The following PCMTD1 variants were observed in gnomAD, a reference collection of about 807,000 sequenced individuals.
The protein encoded by PCMTD1 is protein-L-isoaspartate O-methyltransferase domain-containing protein 1.
PCMTD1 carries 12 observed loss-of-function variants against 37.6 expected under a neutral mutation model. That is an observed-to-expected ratio of 0.32 (90% CI 0.20 to 0.52). PCMTD1 has a LOEUF of 0.52. Among genes scored for constraint, PCMTD1 ranks in the 20% least tolerant of loss-of-function variants. The probability of loss-of-function intolerance (pLI) is 0.97; values close to 1 mark genes in which losing one functional copy is unlikely to be tolerated. For missense variants in PCMTD1, 235 were observed against 421.3 expected (o/e 0.56, Z 3.87); for synonymous variants, 117 against 135.8 (o/e 0.86, Z 0.96).
chr8:51,821,927 G>A (rs1390440306), intron 5 of PCMTD1, among the ~76,000 whole-genome samples: 1 of 152,084 alleles, frequency 6.6e-6, no homozygotes, highest in Admixed American at 6.5e-5. Flanking sequence ...AGTACAGATG[G>A]GGTTTCACCA....
intron 3 of PCMTD1, chr8:51,844,904 C>G (rs1194058976): frequency 1.3e-5 from 2 of 152,172 alleles, no homozygotes; most frequent in African/African-American, 4.8e-5. Context: ...AGTGACTGTT[C>G]TAAGCTTGTG....
intron 1 of PCMTD1, among the ~76,000 whole-genome samples, chr8:51,897,666 A>T (rs1383842612): frequency 6.6e-6 from 1 of 152,212 alleles, no homozygotes; most frequent in Non-Finnish European, 1.5e-5. Context: ...AGACATTCTG[A>T]AAGTTTTGCC....
rs145508508 is a variant in PCMTD1 at position 51,845,403 on chromosome 8, T to C, written c.410+258A>G. ...TATTACACTGTATCTCCAGAAAAGA[T>C]AGCTGAATGTTTAATGAATTCAACA... On this transcript the variant is annotated intron_variant, in intron 3 of 5. Transcript: ENST00000522514. 2,564 of 333,306 alleles carry C rather than the reference T, an allele frequency of 7.7e-3. 23 individuals carry two copies. The highest frequency in any genetic ancestry group is 0.023 in the Middle Eastern group (25 of 1,070). The allele number at this position is 333,306 out of a possible 1,614,324, so 20.6% of individuals were successfully genotyped here.
At chr8:51,873,753 G>A (rs141798879) in intron 1 of PCMTD1, among the ~76,000 whole-genome samples, 73 of 152,102 alleles carry the variant, frequency 4.8e-4, no homozygotes, top group African/African-American at 1.4e-3. Flanking sequence ...GCTTCTTCCC[G>A]AGTCACCTTC....
chr8:51,854,984 G>C (rs2038362322), intron 2 of PCMTD1, among the ~76,000 whole-genome samples: 2 of 150,934 alleles, frequency 1.3e-5, no homozygotes, highest in Non-Finnish European at 2.9e-5. Flanking sequence ...AGACGAGCCT[G>C]ACCAACATGG....
intron 2 of PCMTD1, 35 bp downstream of exon 2, chr8:51,860,810 T>C (rs767420514): frequency 6.7e-7 from 1 of 1,501,524 alleles, no homozygotes; most frequent in Non-Finnish European, 8.9e-7. Flanking sequence ...AAATGGCTTA[T>C]TTTTTAAAAT....
chr8:51,823,813 C>T (rs1487667181), intron 5 of PCMTD1, among the ~76,000 whole-genome samples: 1 of 152,202 alleles, frequency 6.6e-6, no homozygotes, highest in African/African-American at 2.4e-5. Context: ...ACTGGCAAAC[C>T]GAATCCAGCA....
At chr8:51,883,541 A>G (rs2038822287) in intron 1 of PCMTD1, among the ~76,000 whole-genome samples, 2 of 152,234 alleles carry the variant, frequency 1.3e-5, no homozygotes, top group Non-Finnish European at 2.9e-5. Flanking sequence ...AATCTCACAA[A>G]AGAGTAAACA....
intron 3 of PCMTD1, among the ~76,000 whole-genome samples, chr8:51,843,143 ATT>A (rs1394679863): frequency 6.8e-6 from 1 of 146,404 alleles, no homozygotes; most frequent in Non-Finnish European, 1.5e-5. Context: ...CATTTTTATA[ATT>A]TGTCATTGAA....
chr8:51,862,711 T>A (rs2038491528), intron 1 of PCMTD1, among the ~76,000 whole-genome samples: 1 of 152,162 alleles, frequency 6.6e-6, no homozygotes, highest in Non-Finnish European at 1.5e-5. Flanking sequence ...CGAGGGCAGC[T>A]CCCCTAACAC....
At chr8:51,880,706 G>A (rs189464887) in intron 1 of PCMTD1, among the ~76,000 whole-genome samples, 1 of 152,176 alleles carries the variant, frequency 6.6e-6, no homozygotes, top group East Asian at 1.9e-4. Flanking sequence ...CTTGTTGTCT[G>A]CCACTACAGT....
chr8:51,831,972 CATG>C (rs2038004337), intron 4 of PCMTD1, among the ~76,000 whole-genome samples: 1 of 152,162 alleles, frequency 6.6e-6, no homozygotes, highest in Non-Finnish European at 1.5e-5. Context: ...CATGCTCTTC[CATG>C]ATATTAATGG....
At chr8:51,840,122 G>A (rs574003045) in intron 3 of PCMTD1, among the ~76,000 whole-genome samples, 5 of 152,210 alleles carry the variant, frequency 3.3e-5, no homozygotes, top group South Asian at 2.1e-4. Context: ...AATAATTCAA[G>A]CATTATTCCA....
chr8:51,883,283 A>AT (rs1486595720), intron 1 of PCMTD1, among the ~76,000 whole-genome samples: 3 of 152,198 alleles, frequency 2.0e-5, no homozygotes, highest in African/African-American at 7.2e-5. Context: ...TAAACTTGTA[A>AT]TTTTCCATGG....
At chr8:51,890,319 T>C (rs2038919687) in intron 1 of PCMTD1, among the ~76,000 whole-genome samples, 1 of 152,230 alleles carries the variant, frequency 6.6e-6, no homozygotes, top group African/African-American at 2.4e-5. Flanking sequence ...TATATATCAC[T>C]GCTAGGCTTT....
rs1322322588 is a variant in PCMTD1 at position 51,820,493 on chromosome 8, T to A, written c.932A>T (p.Asp311Val). The A allele has an allele frequency of 1.2e-6, 2 of 1,614,042 alleles. No homozygotes were observed. Among genetic ancestry groups the A allele is most frequent in the South Asian group, 1.1e-5 (1 of 91,072 alleles). Residue 311 changes from aspartate (D) to valine (V), a missense_variant, in exon 6 of 6, where the codon GAT (aspartate) becomes GTT (valine). By Grantham distance (152) the Asp-to-Val change is radical (BLOSUM62 -3). Coordinates refer to ENST00000522514, the MANE Select transcript of PCMTD1 (RefSeq NM_052937.4). ...DSEEDEKMEE[D>V]NKEEEEKDHN... Reference sequence around the variant, plus strand: ...ATCTTTTTCCTCCTCTTCTTTGTTATCCTCTTCCATTTTTTCATCCTCTTC... The same window carrying A: ...ATCTTTTTCCTCCTCTTCTTTGTTAACCTCTTCCATTTTTTCATCCTCTTC...
intron 5 of PCMTD1, among the ~76,000 whole-genome samples, chr8:51,826,058 T>C (rs1223682686): frequency 6.6e-6 from 1 of 152,142 alleles, no homozygotes; most frequent in South Asian, 2.1e-4. Flanking sequence ...TAAAGACACA[T>C]GCACATGTAT....
chr8:51,860,368 A>G (rs4873614), intron 2 of PCMTD1: 152,846 of 155,452 alleles, frequency 0.98, 75,188 homozygotes, highest in East Asian at 1. Flanking sequence ...CACTCATTAA[A>G]TATGCTGAAA....
In PCMTD1 at chr8:51,864,561, G is replaced by A. The variant is rs564242176; in HGVS notation, c.-95-3315C>T. Among the ~76,000 whole-genome samples the A allele has an allele frequency of 3.9e-5, 6 of 152,272 alleles. No homozygotes were observed. In the South Asian group the frequency reaches 1.2e-3, roughly 32 times the overall value. ...GAATGAAACCAGAAACCAGTAACAG[G>A]AGGACTTTTGGGACGTTCACAAACA... is the stretch of plus-strand genomic sequence containing the variant. On this transcript the variant is annotated intron_variant, in intron 1 of 5. Coordinates refer to ENST00000522514, the MANE Select transcript of PCMTD1 (RefSeq NM_052937.4).
Sources: gnomAD v4.1 joint callset for allele counts (sites outside exome capture counted in the v4.1 genomes callset) on GRCh38, gnomAD v4.1.1 for gene constraint, MANE v1.5 for transcripts, NCBI Gene and HGNC (gene_info 2026-07-23, HGNC 2026-07-21) for gene names.